Variants in SPNS2 observed in about 807,000 individuals in gnomAD.
The protein encoded by SPNS2 is sphingosine-1-phosphate transporter SPNS2.
Under a neutral mutation model 57.6 loss-of-function variants are expected in SPNS2, and 37 were observed. That is an observed-to-expected ratio of 0.64 (90% CI 0.49 to 0.85). The LOEUF (loss-of-function observed/expected upper bound fraction) is 0.85. Among genes scored for constraint, SPNS2 ranks in the 40% least tolerant of loss-of-function variants. SPNS2 has a pLI of 0.00. For missense variants in SPNS2, 831 were observed against 779.1 expected, an observed-to-expected ratio of 1.07 and a Z score of -0.79; for synonymous variants, 440 against 346.9, an observed-to-expected ratio of 1.27 and a Z score of -2.98.
intron 2 of SPNS2, among the ~76,000 whole-genome samples, chr17:4,517,202 G>T: frequency 6.6e-6 from 1 of 152,224 alleles, no homozygotes; most frequent in South Asian, 2.1e-4. Flanking sequence ...CCCCTGCTCC[G>T]TACAGGCCTG....
At chr17:4,536,566 C>T in intron 11 of SPNS2, 140 bp downstream of exon 11, 4 of 1,102,842 alleles carry the variant, frequency 3.6e-6, no homozygotes, top group Admixed American at 2.6e-5. Context: ...TGCTGGGGTC[C>T]AGCCCTGAGG....
intron 9 of SPNS2, among the ~76,000 whole-genome samples, chr17:4,535,115 G>A (rs559607173): frequency 2.8e-4 from 42 of 152,232 alleles, no homozygotes; most frequent in African/African-American, 5.5e-4. Flanking sequence ...GCTGGAGCTC[G>A]GGGAACAGGG....
chr17:4,516,316 C>CAAAAAAAAAAAAAAAAAAAAA (rs67710825), intron 2 of SPNS2, among the ~76,000 whole-genome samples: 3 of 67,506 alleles, frequency 4.4e-5, no homozygotes, highest in African/African-American at 2.2e-4. Flanking sequence ...TCTATCTCCC[C>CAAAAAAAAAAAAAAAAAAAAA]AAAAAAAAAA....
intron 1 of SPNS2, among the ~76,000 whole-genome samples, chr17:4,507,014 G>A (rs534292169): frequency 4.4e-4 from 67 of 152,310 alleles, no homozygotes; most frequent in African/African-American, 1.5e-3. Context: ...GAGTAGGAGT[G>A]AGTGTGCCTG....
In SPNS2 at chr17:4,533,783, G is replaced by T. The variant is rs548015841; in HGVS notation, c.1279-5G>T. The T allele has an allele frequency of 1.9e-6, 3 of 1,613,522 alleles. No homozygotes were observed. Among genetic ancestry groups the T allele is most frequent in the Admixed American group, 1.7e-5 (1 of 60,008 alleles). On this transcript the variant is annotated splice_polypyrimidine_tract_variant and splice_region_variant and intron_variant, in intron 8 of 12. Transcript: ENST00000329078. ...CTGATGGTGGCTTTGCCTTCTCCCCGGCAGATCTGTATCTTCGTCGGGGAG... is the reference window on the plus strand; with the variant it reads ...CTGATGGTGGCTTTGCCTTCTCCCCTGCAGATCTGTATCTTCGTCGGGGAG...
rs977375902 is a variant in SPNS2, at chr17:4,526,184, G to A, written c.573+991G>A. Among the ~76,000 whole-genome samples, 3 of 152,308 alleles carry A rather than the reference G, an allele frequency of 2.0e-5. No homozygotes were observed. In the East Asian group the frequency reaches 5.8e-4, roughly 29 times the overall value. Reference sequence around the variant, plus strand: ...CTCTTGAAATCCGTGGGGTCAGGGAGGGCTTCCTGGAGGAGGTGGCGTTTG... The same window carrying A: ...CTCTTGAAATCCGTGGGGTCAGGGAAGGCTTCCTGGAGGAGGTGGCGTTTG... On this transcript the variant is annotated intron_variant, in intron 3 of 12. Transcript: ENST00000329078.
rs1302092575 is a variant in SPNS2 at position 4,512,673 on chromosome 17, C to CGA, written c.371-573_371-572insAG. On this transcript the variant is annotated intron_variant, in intron 1 of 12. Transcript: ENST00000329078. This position sits in a 1 kb window ranked among gnomAD's most constrained non-coding sequence, Gnocchi z 5.2. ...GCGCGCGCACGGGTATGTGTGTGCGCGCGTGGGTGTGTATGCATGTGTGCA... is the reference window on the plus strand; with the variant it reads ...GCGCGCGCACGGGTATGTGTGTGCGCGAGCGTGGGTGTGTATGCATGTGTGCA... Among the ~76,000 whole-genome samples the CGA allele has an allele frequency of 7.4e-3, 1,104 of 148,790 alleles. 19 individuals carry two copies. The highest frequency in any genetic ancestry group is 0.027 in the African/African-American group (1,050 of 38,772).
chr17:4,525,295 C>T (rs1905237344), intron 3 of SPNS2, 102 bp downstream of exon 3: 5 of 1,484,072 alleles, frequency 3.4e-6, no homozygotes, highest in African/African-American at 1.4e-5. Flanking sequence ...GGGCTTCCAG[C>T]TCCTTTGCTT....
chr17:4,536,816 C>G (rs752955737), intron 11 of SPNS2, 84 bp from the exon 12 acceptor site: 1 of 1,165,552 alleles, frequency 8.6e-7, no homozygotes, highest in African/African-American at 1.5e-5. Context: ...GTCAGCTGGC[C>G]CCCACGACAC....
chr17:4,535,511 C>T (rs528748719), intron 9 of SPNS2, among the ~76,000 whole-genome samples: 1 of 152,302 alleles, frequency 6.6e-6, no homozygotes, highest in South Asian at 2.1e-4. Flanking sequence ...GGTCCAAGGG[C>T]AGAAGCCAAG....
Position 4,532,584 on chromosome 17 carries a change from A to G in SPNS2, c.835A>G (p.Ile279Val). The G allele has an allele frequency of 6.2e-7, 1 of 1,613,998 alleles. No homozygotes were observed. The highest frequency in any genetic ancestry group is 8.5e-7 in the Non-Finnish European group (1 of 1,179,990). The change falls in exon 6 of 13, where the codon ATT (isoleucine) becomes GTT (valine). Residue 279 changes from isoleucine (I) to valine (V), a missense_variant. By Grantham distance (29) the Ile-to-Val change is conservative. Transcript: ENST00000329078. Reference protein sequence around the residue: ...LGMITGTLILILVPATKRGHA... With the variant: ...LGMITGTLILVLVPATKRGHA... ...CATGATCACAGGAACACTCATCCTC[A>G]TTCTGGTCCCAGCCACTAAAAGGGG...
At chr17:4,536,555 T>C in intron 11 of SPNS2, 129 bp downstream of exon 11, 2 of 1,194,984 alleles carry the variant, frequency 1.7e-6, no homozygotes, top group Non-Finnish European at 2.3e-6. Flanking sequence ...CACCCACTGG[T>C]TGCTGGGGTC....
At chr17:4,531,310 G>A (rs182146385) in intron 5 of SPNS2, among the ~76,000 whole-genome samples, 191 bp downstream of exon 5, 2 of 152,230 alleles carry the variant, frequency 1.3e-5, no homozygotes, top group African/African-American at 4.8e-5. Flanking sequence ...CCCGATTGAG[G>A]TGTCAGAGCC....
At position 4,532,713 on chromosome 17, in the gene SPNS2, G is replaced by GA. The variant is rs761342822; in HGVS notation, c.935+31dup. ...AGTACCGCGGGAAGGGGTCTGGTGG[G>GA]AAGAGAGAGGGGTGCTGAGATGAGA... On this transcript the variant is annotated intron_variant, in intron 6 of 12. Transcript: ENST00000329078. 4.4e-5 allele frequency: 71 copies of GA among 1,605,864 alleles called. No homozygotes were observed. The Admixed American group carries it at 6.9e-4, about 16-fold the overall frequency.
Position 4,532,700 on chromosome 17 carries a change from AG to A in SPNS2, c.935+20del, listed in dbSNP as rs776449240. ...TGATTCGAAAGTGAGTACCGCGGGA[AG>A]GGGTCTGGTGGGAAGAGAGAGGGGT... On this transcript the variant is annotated intron_variant, in intron 6 of 12. Coordinates refer to ENST00000329078, the MANE Select transcript of SPNS2 (RefSeq NM_001124758.3). 1.9e-5 allele frequency: 30 copies of A among 1,611,696 alleles called. No homozygotes were observed. The highest frequency in any genetic ancestry group is 2.3e-5 in the Non-Finnish European group (27 of 1,178,658).
At chr17:4,530,268 G>A (rs2144359725) in intron 3 of SPNS2, among the ~76,000 whole-genome samples, 1 of 152,338 alleles carries the variant, frequency 6.6e-6, no homozygotes, top group South Asian at 2.1e-4. Context: ...GGCTCCCGAA[G>A]TGAAGTCAGA....
intron 3 of SPNS2, among the ~76,000 whole-genome samples, chr17:4,526,562 C>G (rs1037378406): frequency 6.6e-6 from 1 of 151,094 alleles, no homozygotes; most frequent in Non-Finnish European, 1.5e-5. Context: ...GAGATCGCAC[C>G]ACTGCACTCC....
intron 1 of SPNS2, among the ~76,000 whole-genome samples, chr17:4,501,005 T>C (rs1389420548): frequency 3.9e-5 from 6 of 152,148 alleles, no homozygotes; most frequent in African/African-American, 1.4e-4. Flanking sequence ...CCTGGGAGCA[T>C]AAGCGCCATC....
At chr17:4,532,404 T>C in intron 5 of SPNS2, 138 bp from the exon 6 acceptor site, 1 of 1,289,340 alleles carries the variant, frequency 7.8e-7, no homozygotes, top group Non-Finnish European at 1.1e-6. Context: ...AGCAGCCCAA[T>C]TAGGAAGGCT....
Sources: gnomAD v4.1 joint callset for allele counts (sites outside exome capture counted in the v4.1 genomes callset) on GRCh38, gnomAD v4.1.1 for gene constraint, Gnocchi (gnomAD v3.1) non-coding constraint, MANE v1.5 for transcripts, NCBI Gene and HGNC (gene_info 2026-07-23, HGNC 2026-07-21) for gene names.